The following PCDH15 variants were observed in gnomAD, a reference collection of about 807,000 sequenced individuals.
The protein encoded by PCDH15 is protocadherin related 15.
A neutral mutation model predicts 178.5 loss-of-function variants in PCDH15; 129 were observed. The observed-to-expected ratio is 0.72, with a 90% CI of 0.63 to 0.84. PCDH15 has a LOEUF of 0.84. Ranked by LOEUF, PCDH15 falls within the 40% of genes least tolerant of loss-of-function variation. The pLI is 0.00. For missense variants in PCDH15, 2,230 were observed against 2,099.9 expected, an observed-to-expected ratio of 1.06 and a Z score of -1.21; for synonymous variants, 800 against 732.0, an observed-to-expected ratio of 1.09 and a Z score of -1.50.
chr10:55,141,895 C>T (rs1019324516), intron 2 of PCDH15, among the ~76,000 whole-genome samples: 4 of 151,374 alleles, frequency 2.6e-5, no homozygotes, highest in Admixed American at 2.0e-4. Flanking sequence ...TTTTAAGGTA[C>T]ATCTTTTGTG....
At chr10:54,818,692 G>A (rs1029385428) in intron 3 of PCDH15, among the ~76,000 whole-genome samples, 3 of 151,976 alleles carry the variant, frequency 2.0e-5, no homozygotes, top group Admixed American at 6.6e-5. Flanking sequence ...ATCTCTTTCC[G>A]TTATTCTAAC....
intron 8 of PCDH15, among the ~76,000 whole-genome samples, chr10:54,293,427 A>G (rs1564886190): frequency 6.6e-6 from 1 of 152,190 alleles, no homozygotes; most frequent in Non-Finnish European, 1.5e-5. Context: ...CATGACTAAG[A>G]CACCAAAAGC....
chr10:53,813,597 T>G (rs1174712551), intron 35 of PCDH15, among the ~76,000 whole-genome samples: 1 of 152,166 alleles, frequency 6.6e-6, no homozygotes, highest in Middle Eastern at 3.2e-3. Flanking sequence ...TCACAGAACT[T>G]AAATTTGTAG....
chr10:54,641,204 G>C (rs903213283), intron 2 of PCDH15: 1 of 159,056 alleles, frequency 6.3e-6, no homozygotes, highest in Non-Finnish European at 1.4e-5. Flanking sequence ...GCTTTTCTAA[G>C]AACATCATCA....
Position 55,066,770 on chromosome 10 carries a change from T to C in PCDH15, c.-80+99806A>G, listed in dbSNP as rs372038611. Among the ~76,000 whole-genome samples the C allele has an allele frequency of 6.6e-4, 100 of 151,114 alleles. 2 individuals carry two copies. In the South Asian group the frequency reaches 0.02, roughly 30 times the overall value. On this transcript the variant is annotated intron_variant, in intron 2 of 5. Transcript: ENST00000458638. ...TTTTTTTAAGTTTTCACAAATTACATGAGGTTTTTATTTTATTTTAATTTA... is the reference window on the plus strand; with the variant it reads ...TTTTTTTAAGTTTTCACAAATTACACGAGGTTTTTATTTTATTTTAATTTA...
chr10:54,794,575 T>C (rs1214748617), intron 1 of PCDH15, among the ~76,000 whole-genome samples: 1 of 151,876 alleles, frequency 6.6e-6, no homozygotes, highest in Non-Finnish European at 1.5e-5. Context: ...TCAGATGGAA[T>C]GTAAGGTTAA....
At chr10:55,368,823 A>C (rs539188393) in intron 2 of PCDH15, among the ~76,000 whole-genome samples, 6 of 152,126 alleles carry the variant, frequency 3.9e-5, no homozygotes, top group South Asian at 2.1e-4. Context: ...CTGAAACCAT[A>C]CAAGTGTATT....
At chr10:54,807,979 T>TA (rs1430519797) in intron 3 of PCDH15, among the ~76,000 whole-genome samples, 1 of 151,814 alleles carries the variant, frequency 6.6e-6, no homozygotes, top group Non-Finnish European at 1.5e-5. Context: ...ATTAAAATTT[T>TA]AAAATTTATA....
At chr10:54,805,460 G>A (rs985470488), upstream of PCDH15, among the ~76,000 whole-genome samples, 2 of 152,116 alleles carry the variant, frequency 1.3e-5, no homozygotes, top group Admixed American at 6.5e-5. Flanking sequence ...CAGGGACTTG[G>A]CAACTGGAGG....
intron 16 of PCDH15, among the ~76,000 whole-genome samples, chr10:54,087,600 C>A (rs1008577535): frequency 1.1e-4 from 16 of 152,122 alleles, no homozygotes; most frequent in African/African-American, 2.7e-4. Flanking sequence ...GTAAATAATT[C>A]TTTTATGAAC....
intron 3 of PCDH15, among the ~76,000 whole-genome samples, chr10:54,501,195 G>C (rs2080648326): frequency 6.6e-6 from 1 of 151,200 alleles, no homozygotes; most frequent in South Asian, 2.1e-4. Flanking sequence ...TAACAAATTT[G>C]CATGTTCTGC....
intron 19 of PCDH15, 70 bp downstream of exon 19, chr10:54,022,822 T>C: frequency 6.7e-7 from 1 of 1,493,020 alleles, no homozygotes; most frequent in South Asian, 1.1e-5. Flanking sequence ...CTTGCTAATT[T>C]TGGCACACAA....
intron 3 of PCDH15, among the ~76,000 whole-genome samples, chr10:54,384,500 T>C (rs1949685338): frequency 6.6e-6 from 1 of 152,152 alleles, no homozygotes; most frequent in Non-Finnish European, 1.5e-5. Flanking sequence ...AGTAAATTTG[T>C]AAGTGTGATT....
At chr10:54,495,604 AT>A (rs2080036849) in intron 3 of PCDH15, among the ~76,000 whole-genome samples, 1 of 152,168 alleles carries the variant, frequency 6.6e-6, no homozygotes, top group Non-Finnish European at 1.5e-5. Flanking sequence ...CATAGAGATA[AT>A]AAAAGTTAGA....
At chr10:54,029,866 C>G (rs1381850208) in intron 18 of PCDH15, among the ~76,000 whole-genome samples, 3 of 151,880 alleles carry the variant, frequency 2.0e-5, no homozygotes, top group African/African-American at 7.3e-5. Flanking sequence ...TGGGGGTTAC[C>G]AGTCCTGTAG....
chr10:55,418,237 T>C (rs1454811165), intron 2 of PCDH15, among the ~76,000 whole-genome samples: 1 of 151,768 alleles, frequency 6.6e-6, no homozygotes, highest in Non-Finnish European at 1.5e-5. Flanking sequence ...ACAAAGAATG[T>C]CTTGTTTTTA....
chr10:53,810,036 G>T (rs925304810), intron 37 of PCDH15, among the ~76,000 whole-genome samples: 10 of 152,048 alleles, frequency 6.6e-5, no homozygotes, highest in African/African-American at 2.2e-4. Context: ...TGTTGTTTTT[G>T]TATAAATTTG....
intron 1 of PCDH15, among the ~76,000 whole-genome samples, chr10:54,762,451 A>G (rs1397443241): frequency 6.6e-6 from 1 of 152,142 alleles, no homozygotes; most frequent in Non-Finnish European, 1.5e-5. Context: ...TTATGAACAT[A>G]AGAGTTGATA....
At chr10:54,130,610 C>A (rs1232674916) in intron 15 of PCDH15, among the ~76,000 whole-genome samples, 2 of 152,014 alleles carry the variant, frequency 1.3e-5, no homozygotes, top group African/African-American at 2.4e-5. Context: ...AAGGCCCGTT[C>A]TTAAAAGGGG....
Sources: allele counts gnomAD v4.1 joint callset (sites outside exome capture counted in the v4.1 genomes callset), GRCh38; gene constraint gnomAD v4.1.1; transcripts MANE v1.5; gene names NCBI Gene and HGNC (gene_info 2026-07-23, HGNC 2026-07-21).